ADAMTS19: variants seen among roughly 807,000 people sequenced by gnomAD.
The protein encoded by ADAMTS19 is ADAM metallopeptidase with thrombospondin type 1 motif 19, also known as A disintegrin and metalloproteinase with thrombospondin motifs 19.
A neutral mutation model predicts 153.3 loss-of-function variants in ADAMTS19; 93 were observed. That is an observed-to-expected ratio of 0.61 (90% CI 0.51 to 0.72). The LOEUF (loss-of-function observed/expected upper bound fraction) is 0.72. ADAMTS19 is among the 30% of genes least tolerant of loss of function. ADAMTS19 has a pLI of 0.00. For synonymous variants in ADAMTS19, 600 were observed against 556.6 expected (o/e 1.08, Z -1.10); for missense variants, 1,482 against 1,552.1 (o/e 0.95, Z 0.76).
intron 7 of ADAMTS19, among the ~76,000 whole-genome samples, chr5:129,585,137 C>T (rs928192446): frequency 2.0e-5 from 3 of 151,834 alleles, no homozygotes; most frequent in Non-Finnish European, 4.4e-5. Context: ...CATGGCTCCC[C>T]TTGGCTAGTG....
At chr5:129,587,443 T>G (rs1389652742) in intron 7 of ADAMTS19, among the ~76,000 whole-genome samples, 1 of 152,126 alleles carries the variant, frequency 6.6e-6, no homozygotes, top group Non-Finnish European at 1.5e-5. Flanking sequence ...GCCTGGTATT[T>G]TTTGAATCAA....
intron 7 of ADAMTS19, among the ~76,000 whole-genome samples, chr5:129,553,920 G>C (rs1753222918): frequency 6.6e-6 from 1 of 152,034 alleles, no homozygotes; most frequent in African/African-American, 2.4e-5. Context: ...CATCTCCATG[G>C]ATTCAACCAC....
At chr5:129,557,788 G>A (rs1376195354) in intron 7 of ADAMTS19, among the ~76,000 whole-genome samples, 2 of 151,656 alleles carry the variant, frequency 1.3e-5, no homozygotes, top group Non-Finnish European at 2.9e-5. Context: ...AGAGGACAGA[G>A]TAAAATAGAA....
intron 18 of ADAMTS19, among the ~76,000 whole-genome samples, 171 bp from the exon 19 acceptor site, chr5:129,694,549 C>A (rs1755470925): frequency 6.6e-6 from 1 of 151,026 alleles, no homozygotes; most frequent in South Asian, 2.1e-4. Flanking sequence ...ATCACATATA[C>A]CCTGAAAATG....
chr5:129,637,554 A>AG (rs1294117601), intron 10 of ADAMTS19, among the ~76,000 whole-genome samples: 2 of 152,052 alleles, frequency 1.3e-5, no homozygotes, highest in Non-Finnish European at 2.9e-5. Context: ...GGAACAAAAA[A>AG]CCAAATAATG....
At chr5:129,590,345 C>A (rs1391844225) in intron 7 of ADAMTS19, among the ~76,000 whole-genome samples, 1 of 152,044 alleles carries the variant, frequency 6.6e-6, no homozygotes, top group East Asian at 1.9e-4. Flanking sequence ...ATGTATTTTA[C>A]CTATGATTTG....
At chr5:129,524,254 C>T (rs753635736) in intron 3 of ADAMTS19, among the ~76,000 whole-genome samples, 8 of 152,010 alleles carry the variant, frequency 5.3e-5, no homozygotes, top group East Asian at 1.9e-4. Flanking sequence ...ACTAGCCATA[C>T]GCAGAAAACA....
At chr5:129,537,888 C>T (rs1048231177) in intron 6 of ADAMTS19, among the ~76,000 whole-genome samples, 6 of 151,614 alleles carry the variant, frequency 4.0e-5, no homozygotes, top group Non-Finnish European at 7.4e-5. Flanking sequence ...CAAACCTGCA[C>T]GTTGTGCACA....
chr5:129,504,259 C>A (rs1233784171), intron 2 of ADAMTS19, among the ~76,000 whole-genome samples: 2 of 152,172 alleles, frequency 1.3e-5, no homozygotes, highest in African/African-American at 2.4e-5. Flanking sequence ...CCTGCTGTCT[C>A]TCAGGACCTT....
At chr5:129,584,605 A>T (rs1749691407) in intron 7 of ADAMTS19, among the ~76,000 whole-genome samples, 1 of 152,092 alleles carries the variant, frequency 6.6e-6, no homozygotes. Context: ...AGAGACGAGG[A>T]ATCTAGAGAG....
At chr5:129,519,170 C>T (rs770794189) in intron 3 of ADAMTS19, among the ~76,000 whole-genome samples, 46 of 152,044 alleles carry the variant, frequency 3.0e-4, no homozygotes, top group Non-Finnish European at 4.7e-4. Context: ...GGTTATTCAG[C>T]GCTTTTCAGT....
chr5:129,581,152 T>G (rs560429808), intron 7 of ADAMTS19, among the ~76,000 whole-genome samples: 1 of 152,326 alleles, frequency 6.6e-6, no homozygotes, highest in East Asian at 1.9e-4. Flanking sequence ...TTCTTCCTGG[T>G]TTAGTCTTGG....
chr5:129,494,670 T>C (rs1328319638), intron 2 of ADAMTS19, among the ~76,000 whole-genome samples: 1 of 152,218 alleles, frequency 6.6e-6, no homozygotes, highest in Non-Finnish European at 1.5e-5. Flanking sequence ...CTTAACTGAA[T>C]TGGTCTCTTC....
chr5:129,570,860 T>C (rs1459689353), intron 7 of ADAMTS19, among the ~76,000 whole-genome samples: 2 of 151,854 alleles, frequency 1.3e-5, no homozygotes, highest in African/African-American at 4.8e-5. Flanking sequence ...TATGACAAAA[T>C]TCACCATCTA....
intron 13 of ADAMTS19, among the ~76,000 whole-genome samples, chr5:129,653,430 CT>C (rs1218402137): frequency 1.3e-5 from 2 of 152,152 alleles, no homozygotes; most frequent in Admixed American, 1.3e-4. Context: ...GTGCCACTTT[CT>C]GAGCCTAAAA....
intron 7 of ADAMTS19, among the ~76,000 whole-genome samples, chr5:129,568,367 G>A (rs1753785279): frequency 6.6e-6 from 1 of 151,900 alleles, no homozygotes; most frequent in Non-Finnish European, 1.5e-5. Flanking sequence ...ATACATGGGG[G>A]GGGATAAAGG....
At chr5:129,595,619 C>A (rs1220585245) in intron 7 of ADAMTS19, among the ~76,000 whole-genome samples, 1 of 151,976 alleles carries the variant, frequency 6.6e-6, no homozygotes, top group Admixed American at 6.6e-5. Context: ...CCCATTCCAT[C>A]ATGTTTAGTA....
intron 7 of ADAMTS19, among the ~76,000 whole-genome samples, chr5:129,594,749 A>G (rs886446232): frequency 2.0e-5 from 3 of 151,970 alleles, no homozygotes; most frequent in African/African-American, 7.2e-5. Flanking sequence ...TCTGTTGTTT[A>G]ATAGAACTAT....
chr5:129,584,143 G>A (rs562040625), intron 7 of ADAMTS19, among the ~76,000 whole-genome samples: 196 of 152,124 alleles, frequency 1.3e-3, no homozygotes, highest in Non-Finnish European at 2.3e-3. Flanking sequence ...CCTTCTAACA[G>A]TCAGGCCCCT....
Sources: gnomAD v4.1 joint callset for allele counts (sites outside exome capture counted in the v4.1 genomes callset) on GRCh38, gnomAD v4.1.1 for gene constraint, MANE v1.5 for transcripts, NCBI Gene and HGNC (gene_info 2026-07-23, HGNC 2026-07-21) for gene names.